The following FOCAD variants were observed in gnomAD, a reference collection of about 807,000 sequenced individuals.
The protein encoded by FOCAD is KIAA1797.
In FOCAD, 198 loss-of-function variants were observed where a neutral mutation model predicts 225.6. The ratio of observed to expected loss-of-function variants is 0.88; its 90% CI spans 0.78 to 0.99. FOCAD has a LOEUF of 0.99. Ranked by LOEUF, FOCAD falls within the 50% of genes least tolerant of loss-of-function variation. The pLI is 0.00. For synonymous variants in FOCAD, 897 were observed against 755.0 expected (o/e 1.19, Z -3.08); for missense variants, 2,713 against 2,123.6 (o/e 1.28, Z -5.46).
At chr9:20,860,701 G>C (rs781319165) in intron 15 of FOCAD, among the ~76,000 whole-genome samples, 1 of 152,172 alleles carries the variant, frequency 6.6e-6, no homozygotes, top group Non-Finnish European at 1.5e-5. Flanking sequence ...AGTAGAGACA[G>C]GGTTTCACTG....
At chr9:20,935,423 A>G (rs1251667475) in intron 28 of FOCAD, among the ~76,000 whole-genome samples, 1 of 152,190 alleles carries the variant, frequency 6.6e-6, no homozygotes, top group Non-Finnish European at 1.5e-5. Context: ...TTATTTAGAC[A>G]TAATCTCACT....
At chr9:20,965,224 G>T (rs1202148923) in intron 35 of FOCAD, among the ~76,000 whole-genome samples, 1 of 152,132 alleles carries the variant, frequency 6.6e-6, no homozygotes, top group African/African-American at 2.4e-5. Context: ...CTTAGCCAGG[G>T]TAGTTTTGGT....
intron 43 of FOCAD, 31 bp downstream of exon 43, chr9:20,993,359 G>C (rs1384360782): frequency 6.4e-7 from 1 of 1,553,744 alleles, no homozygotes; most frequent in African/African-American, 1.4e-5. Flanking sequence ...GCTCAACATA[G>C]GGGAAAAACC....
intron 6 of FOCAD, among the ~76,000 whole-genome samples, chr9:20,760,134 C>T (rs35713966): frequency 0.3 from 46,152 of 152,018 alleles, 7,855 homozygotes; most frequent in East Asian, 0.52. Context: ...TCTAAACATC[C>T]CTCAGAAGGA....
chr9:20,867,133 T>C (rs917607331), intron 18 of FOCAD, 121 bp downstream of exon 18: 1 of 595,960 alleles, frequency 1.7e-6, no homozygotes, highest in Middle Eastern at 2.7e-4. Context: ...CTGTTGTCCA[T>C]GCAAGATACA....
chr9:20,757,907 G>A (rs1829204110), intron 5 of FOCAD, among the ~76,000 whole-genome samples, 183 bp from the exon 6 acceptor site: 1 of 152,134 alleles, frequency 6.6e-6, no homozygotes, highest in Non-Finnish European at 1.5e-5. Context: ...AAAGGCAGGG[G>A]GGAGAGTCAG....
intron 11 of FOCAD, among the ~76,000 whole-genome samples, chr9:20,800,254 G>A (rs1324539342): frequency 1.3e-5 from 2 of 152,078 alleles, no homozygotes; most frequent in Non-Finnish European, 2.9e-5. Context: ...TGGGTATCCC[G>A]ACCTTTCTCT....
chr9:20,766,446 A>C (rs185738017), intron 7 of FOCAD, among the ~76,000 whole-genome samples: 1 of 152,310 alleles, frequency 6.6e-6, no homozygotes, highest in Admixed American at 6.5e-5. Context: ...CTCATGGCTA[A>C]TTGAATATTT....
At chr9:20,798,228 G>A (rs1190225019) in intron 11 of FOCAD, among the ~76,000 whole-genome samples, 2 of 152,174 alleles carry the variant, frequency 1.3e-5, no homozygotes, top group Non-Finnish European at 2.9e-5. Context: ...GCTTTTTGAT[G>A]CGCTGCTGGA....
At chr9:20,800,325 C>G (rs1175232596) in intron 11 of FOCAD, among the ~76,000 whole-genome samples, 2 of 152,134 alleles carry the variant, frequency 1.3e-5, no homozygotes, top group South Asian at 2.1e-4. Context: ...AATTATGTGT[C>G]TTGGAGTTGC....
chr9:20,720,816 T>A (rs1267927782), intron 4 of FOCAD, among the ~76,000 whole-genome samples: 1 of 152,204 alleles, frequency 6.6e-6, no homozygotes, highest in African/African-American at 2.4e-5. Flanking sequence ...AATTCAAAAA[T>A]GTAATGCAGA....
intron 15 of FOCAD, among the ~76,000 whole-genome samples, chr9:20,854,158 G>T (rs1250457246): frequency 6.6e-6 from 1 of 151,672 alleles, no homozygotes; most frequent in Admixed American, 6.6e-5. Context: ...GACAAAAGGA[G>T]TAGGCTGTTC....
intron 21 of FOCAD, among the ~76,000 whole-genome samples, chr9:20,885,788 G>C (rs544969387): frequency 2.0e-4 from 31 of 152,152 alleles, no homozygotes; most frequent in Non-Finnish European, 4.1e-4. Flanking sequence ...GAAAGTCCTT[G>C]GGAAATGTAT....
At chr9:20,855,480 A>T (rs901792453) in intron 15 of FOCAD, among the ~76,000 whole-genome samples, 10 of 151,730 alleles carry the variant, frequency 6.6e-5, no homozygotes, top group Middle Eastern at 3.4e-3. Flanking sequence ...TTATGAGTAC[A>T]TAATAGTTGT....
intron 38 of FOCAD, 123 bp downstream of exon 38, chr9:20,981,809 A>G (rs1840726473): frequency 1.9e-6 from 2 of 1,040,520 alleles, no homozygotes; most frequent in Non-Finnish European, 1.4e-6. Flanking sequence ...AGAAATAACC[A>G]CATTCTTTAC....
intron 2 of FOCAD, among the ~76,000 whole-genome samples, chr9:20,666,069 A>G (rs1027860187): frequency 1.3e-5 from 2 of 152,056 alleles, no homozygotes; most frequent in African/African-American, 4.8e-5. Flanking sequence ...TAATTTTTGT[A>G]TCTCTATCTC....
Position 20,933,083 on chromosome 9 carries a change from T to A in FOCAD, c.3387T>A (p.Phe1129Leu). Reference protein sequence around the residue: ...KSLDALENCCFDTSLEYNTGC... With the variant: ...KSLDALENCCLDTSLEYNTGC... ...TGGATGCCCTGGAAAATTGCTGCTT[T>A]GACACTAGTCTTGAATACAAGTATG... Residue 1129 changes from phenylalanine (F) to leucine (L), a missense_variant, in exon 28 of 44, where the codon TTT becomes TTA. Physicochemically the swap from Phe to Leu is conservative, Grantham distance 22. Transcript: ENST00000338382. 6.2e-7 allele frequency: 1 copy of A among 1,613,870 alleles called. No homozygotes were observed. Among genetic ancestry groups the A allele is most frequent in the Non-Finnish European group, 8.5e-7 (1 of 1,179,746 alleles).
At position 20,913,141 on chromosome 9, in the gene FOCAD, T is replaced by TAC. The variant is rs1408604372; in HGVS notation, c.2807+189_2807+190dup. 1.9e-3 allele frequency among the ~76,000 whole-genome samples: 193 copies of TAC among 100,570 alleles called. 1 individual carries two copies. The highest frequency in any genetic ancestry group is 7.3e-3 in the African/African-American group (182 of 24,978). 66.0% of individuals were successfully genotyped at this position (100,570 alleles called of 152,430 possible). ...GATAGAGAGCTTTATTTATAAATTA[T>TAC]ACATACACACACACACACACACACA... On this transcript the variant is annotated intron_variant, in intron 23 of 43. Coordinates refer to ENST00000338382, the MANE Select transcript of FOCAD (RefSeq NM_001375567.1).
intron 5 of FOCAD, 39 bp from the exon 6 acceptor site, chr9:20,758,051 T>G: frequency 7.0e-7 from 1 of 1,429,878 alleles, no homozygotes; most frequent in Non-Finnish European, 9.7e-7. Flanking sequence ...TGTGTAGTCC[T>G]GAATAACAGG....
Sources: gnomAD v4.1 joint callset for allele counts (sites outside exome capture counted in the v4.1 genomes callset) on GRCh38, gnomAD v4.1.1 for gene constraint, MANE v1.5 for transcripts, NCBI Gene and HGNC (gene_info 2026-07-23, HGNC 2026-07-21) for gene names.